BRCA1: variants seen among roughly 807,000 people sequenced by gnomAD.
BRCA1 encodes BRCA1 DNA repair associated, also known as breast cancer type 1 susceptibility protein.
In BRCA1, 140 loss-of-function variants were observed where a neutral mutation model predicts 173.7. The ratio of observed to expected loss-of-function variants is 0.81; its 90% CI spans 0.70 to 0.93. The LOEUF is 0.93. Among genes scored for constraint, BRCA1 ranks in the 40% least tolerant of loss-of-function variants. The pLI, the probability that BRCA1 is intolerant of heterozygous loss-of-function variation, is 0.00. For missense variants in BRCA1, 1,983 were observed against 2,172.5 expected, an observed-to-expected ratio of 0.91 and a Z score of 1.73; for synonymous variants, 662 against 756.0, an observed-to-expected ratio of 0.88 and a Z score of 2.04.
Position 43,097,228 on chromosome 17 carries a change from G to A in BRCA1, c.593+16C>T, listed in dbSNP as rs773139281. 1.9e-6 allele frequency: 3 copies of A among 1,611,122 alleles called. No homozygotes were observed. Among genetic ancestry groups the A allele is most frequent in the Middle Eastern group, 1.7e-4 (1 of 6,056 alleles). On this transcript the variant is annotated intron_variant, in intron 8 of 22. Coordinates refer to ENST00000357654, the MANE Select transcript of BRCA1 (RefSeq NM_007294.4). ...GAAAATACCAGCTTCATAGACAAAG[G>A]TTCTCTTTGACTCACCTGCAATAAG...
intron 6 of BRCA1, 141 bp downstream of exon 6, chr17:43,103,981 C>T: frequency 9.4e-7 from 1 of 1,058,986 alleles, no homozygotes; most frequent in Non-Finnish European, 1.4e-6. Flanking sequence ...GTGGCGCGTG[C>T]CTGTAATCCC....
Position 43,049,313 on chromosome 17 carries a change from C to T in BRCA1, c.5333-119G>A, listed in dbSNP as rs1567759328. On this transcript the variant is annotated intron_variant, in intron 20 of 22. Coordinates refer to ENST00000357654, the MANE Select transcript of BRCA1 (RefSeq NM_007294.4). Reference sequence around the variant, plus strand: ...AAGACCTCTCAATGGGAGAGTCTGTCTCTCTGCTCCAAAGGACAATGGTCT... The same window carrying T: ...AAGACCTCTCAATGGGAGAGTCTGTTTCTCTGCTCCAAAGGACAATGGTCT... 5 of 886,484 alleles carry T rather than the reference C, an allele frequency of 5.6e-6. No homozygotes were observed. Among genetic ancestry groups the T allele is most frequent in the Non-Finnish European group, 9.2e-6 (5 of 541,032 alleles). The allele number at this position is 886,484 out of a possible 1,614,324, so 54.9% of individuals were successfully genotyped here.
intron 1 of BRCA1, among the ~76,000 whole-genome samples, chr17:43,158,607 C>G (rs2056212718): frequency 6.6e-6 from 1 of 152,094 alleles, no homozygotes; most frequent in Non-Finnish European, 1.5e-5. Flanking sequence ...GAATGTTACT[C>G]ACTATTAACC....
chr17:43,124,887 G>A (rs2154579508), intron 1 of BRCA1: 1 of 313,148 alleles, frequency 3.2e-6, no homozygotes, highest in South Asian at 2.6e-5. Flanking sequence ...CTCCTGAGTA[G>A]CTGGAGCGGC....
At chr17:43,135,994 AG>A (rs1398318260) in intron 1 of BRCA1, among the ~76,000 whole-genome samples, 3 of 152,176 alleles carry the variant, frequency 2.0e-5, no homozygotes, top group East Asian at 3.8e-4. Flanking sequence ...TGAGCATAAA[AG>A]GGCTTAATAC....
upstream of BRCA1, among the ~76,000 whole-genome samples, chr17:43,126,935 C>T (rs913185350): frequency 1.3e-5 from 2 of 152,148 alleles, no homozygotes; most frequent in African/African-American, 4.8e-5. Context: ...GCACCCCCGG[C>T]CCCGGGCAGT....
Position 43,065,086 on chromosome 17 carries a change from C to T in BRCA1, c.5075-1135G>A, listed in dbSNP as rs8176248. Among the ~76,000 whole-genome samples, 458 of 151,962 alleles carry T rather than the reference C, an allele frequency of 3.0e-3. 10 individuals carry two copies. The East Asian group carries it at 0.045, about 15-fold the overall frequency. ...ACCTCGTGATCTGCCCGCCTTGGCC[C>T]CCCAAAGCGCTGGGATTACAGGCCT... is the stretch of plus-strand genomic sequence containing the variant. On this transcript the variant is annotated intron_variant, in intron 16 of 22. Coordinates refer to ENST00000357654, the MANE Select transcript of BRCA1 (RefSeq NM_007294.4).
At chr17:43,151,755 A>C (rs2154581614) in intron 1 of BRCA1, among the ~76,000 whole-genome samples, 1 of 152,290 alleles carries the variant, frequency 6.6e-6, no homozygotes. Context: ...ACTTAGCCGC[A>C]CATGGTGGCA....
intron 20 of BRCA1, among the ~76,000 whole-genome samples, chr17:43,050,849 T>G (rs971553730): frequency 1.2e-4 from 18 of 152,154 alleles, no homozygotes; most frequent in Non-Finnish European, 2.4e-4. Flanking sequence ...ATTAACCACC[T>G]TCATGCTCTT....
intron 10 of BRCA1, 114 bp from the exon 11 acceptor site, chr17:43,091,146 T>G (rs1336151157): frequency 2.7e-6 from 3 of 1,094,338 alleles, no homozygotes; most frequent in Non-Finnish European, 4.1e-6. Context: ...TCACACAAAA[T>G]GATTAAATTC....
At chr17:43,142,004 T>G (rs983646365) in intron 1 of BRCA1, among the ~76,000 whole-genome samples, 1 of 151,916 alleles carries the variant, frequency 6.6e-6, no homozygotes, top group African/African-American at 2.4e-5. Flanking sequence ...CTCCGTCTCC[T>G]GGGTTCAAGC....
intron 15 of BRCA1, among the ~76,000 whole-genome samples, chr17:43,069,070 A>T (rs959337175): frequency 6.6e-6 from 1 of 152,224 alleles, no homozygotes; most frequent in African/African-American, 2.4e-5. Flanking sequence ...CAATACTGCC[A>T]TGAAGGTCAG....
upstream of BRCA1, among the ~76,000 whole-genome samples, chr17:43,128,005 CAG>C (rs1402521409): frequency 1.7e-5 from 2 of 115,654 alleles, no homozygotes; most frequent in South Asian, 2.7e-4. Flanking sequence ...GCCTGGGTGA[CAG>C]AGGGAGACTC....
chr17:43,169,371 G>T (rs1249036822), intron 1 of BRCA1, among the ~76,000 whole-genome samples: 1 of 152,144 alleles, frequency 6.6e-6, no homozygotes, highest in Non-Finnish European at 1.5e-5. Context: ...GTTTCACCAC[G>T]ATGGTCAGGC....
intron 1 of BRCA1, among the ~76,000 whole-genome samples, chr17:43,149,142 A>C (rs1262632090): frequency 6.8e-6 from 1 of 147,530 alleles, no homozygotes; most frequent in Non-Finnish European, 1.5e-5. Context: ...CCTGTCGCCC[A>C]GGCTGGAGTG....
At chr17:43,094,906 A>G in intron 9 of BRCA1, 46 bp from the exon 10 acceptor site, 1 of 1,524,058 alleles carries the variant, frequency 6.6e-7, no homozygotes. Flanking sequence ...CTGAATTGTC[A>G]TTAAAAAAAT....
intron 3 of BRCA1, among the ~76,000 whole-genome samples, chr17:43,114,653 G>GC (rs896271316): frequency 4.6e-5 from 7 of 152,098 alleles, no homozygotes; most frequent in African/African-American, 1.4e-4. Context: ...GAACAGGGAG[G>GC]CAGGGGTTGT....
rs746155740 is a variant in BRCA1 at position 43,059,469 on chromosome 17, CACAACA to C, written c.5194-2340_5194-2335del. ...CCTGGGCAACAGAACGAGATGCTGTCACAACAACAACAACAACAACAACAACAACAA... is the reference window on the plus strand; with the variant it reads ...CCTGGGCAACAGAACGAGATGCTGTCACAACAACAACAACAACAACAACAA... On this transcript the variant is annotated intron_variant, in intron 18 of 22. Transcript: ENST00000357654. 8.0e-3 allele frequency among the ~76,000 whole-genome samples: 1,177 copies of C among 147,538 alleles called. 14 individuals carry two copies. Among genetic ancestry groups the C allele is most frequent in the Middle Eastern group, 0.028 (8 of 290 alleles).
chr17:43,045,248 ACT>A lies in BRCA1; in HGVS notation c.*428_*429del, dbSNP rs2050831503. 1 of 541,532 alleles carries A rather than the reference ACT, an allele frequency of 1.8e-6. No homozygotes were observed. Among genetic ancestry groups the A allele is most frequent in the Non-Finnish European group, 3.6e-6 (1 of 281,602 alleles). The allele number at this position is 541,532 out of a possible 1,614,324, so 33.5% of individuals were successfully genotyped here. ...CACTCTCCTTCCATTGAAGGGTCTG[ACT>A]CTCTGCCTTTGTGAACACAGGGTTT... On this transcript the variant is annotated 3_prime_UTR_variant, in exon 23 of 23. Coordinates refer to ENST00000357654, the MANE Select transcript of BRCA1 (RefSeq NM_007294.4).
Sources: gnomAD v4.1 joint callset for allele counts (sites outside exome capture counted in the v4.1 genomes callset) on GRCh38, gnomAD v4.1.1 for gene constraint, MANE v1.5 for transcripts, NCBI Gene and HGNC (gene_info 2026-07-23, HGNC 2026-07-21) for gene names.